Variants in PDGFD observed in about 807,000 individuals in gnomAD.
The protein encoded by PDGFD is platelet derived growth factor D.
PDGFD carries 30 observed loss-of-function variants against 44.7 expected under a neutral mutation model. The observed-to-expected ratio is 0.67, with a 90% confidence interval of 0.50 to 0.91. PDGFD has a LOEUF of 0.91. Ranked by LOEUF, PDGFD falls within the 40% of genes least tolerant of loss-of-function variation. The pLI is 0.00. For synonymous variants in PDGFD, 173 were observed against 168.4 expected (o/e 1.03, Z -0.21); for missense variants, 445 against 457.8 (o/e 0.97, Z 0.25).
chr11:104,144,945 A>G (rs1353114964), intron 1 of PDGFD, among the ~76,000 whole-genome samples: 3 of 152,244 alleles, frequency 2.0e-5, no homozygotes, highest in Non-Finnish European at 4.4e-5. Context: ...TTGTAGTAAG[A>G]TACAACTTTT....
intron 3 of PDGFD, among the ~76,000 whole-genome samples, chr11:103,967,175 T>G (rs1296209538): frequency 6.6e-6 from 1 of 152,182 alleles, no homozygotes; most frequent in Non-Finnish European, 1.5e-5. Flanking sequence ...ACACAGATAC[T>G]TCCTCTCAAA....
At chr11:104,102,258 G>C (rs1187824785) in intron 1 of PDGFD, among the ~76,000 whole-genome samples, 2 of 152,248 alleles carry the variant, frequency 1.3e-5, no homozygotes, top group East Asian at 1.9e-4. Flanking sequence ...CCATCAAAAA[G>C]TGGGCAAAGG....
intron 1 of PDGFD, among the ~76,000 whole-genome samples, chr11:104,102,025 T>C (rs540272933): frequency 6.6e-6 from 1 of 152,218 alleles, no homozygotes; most frequent in Non-Finnish European, 1.5e-5. Flanking sequence ...GGGCAAGGAC[T>C]TCATGTCTAA....
intron 1 of PDGFD, among the ~76,000 whole-genome samples, chr11:104,147,350 A>G (rs887320290): frequency 5.9e-5 from 9 of 152,176 alleles, no homozygotes; most frequent in Non-Finnish European, 4.4e-5. Context: ...TGGGAACACA[A>G]TCCAATAAGG....
At chr11:104,091,040 G>C (rs1032826007) in intron 1 of PDGFD, among the ~76,000 whole-genome samples, 1 of 152,010 alleles carries the variant, frequency 6.6e-6, no homozygotes, top group East Asian at 1.9e-4. Flanking sequence ...CATTCCCAAG[G>C]GCCTCTAAGC....
At chr11:103,952,018 T>A (rs990820331) in intron 3 of PDGFD, among the ~76,000 whole-genome samples, 3 of 152,222 alleles carry the variant, frequency 2.0e-5, no homozygotes, top group African/African-American at 4.8e-5. Context: ...ATAAGGATAA[T>A]GATCAGCTGC....
chr11:103,969,407 A>C (rs943220025), intron 3 of PDGFD, among the ~76,000 whole-genome samples: 2 of 151,054 alleles, frequency 1.3e-5, no homozygotes, highest in Non-Finnish European at 2.9e-5. Context: ...GTGACAACTC[A>C]AGGTTCTATA....
At chr11:104,017,106 T>G (rs1374192219) in intron 1 of PDGFD, among the ~76,000 whole-genome samples, 2 of 152,098 alleles carry the variant, frequency 1.3e-5, no homozygotes, top group Non-Finnish European at 2.9e-5. Context: ...TCCAGAGAGA[T>G]TCCTAAACTG....
chr11:104,089,645 T>A (rs1483980835), intron 1 of PDGFD, among the ~76,000 whole-genome samples: 1 of 152,178 alleles, frequency 6.6e-6, no homozygotes, highest in Non-Finnish European at 1.5e-5. Flanking sequence ...GATATCCACT[T>A]TACAGGATGA....
chr11:103,922,191 A>G (rs75158548), intron 6 of PDGFD, among the ~76,000 whole-genome samples: 5 of 152,332 alleles, frequency 3.3e-5, no homozygotes, highest in Non-Finnish European at 7.3e-5. Context: ...ATAGGTCACT[A>G]TACTTTTAGG....
chr11:104,093,962 T>C (rs759997226), intron 1 of PDGFD, among the ~76,000 whole-genome samples: 12 of 151,372 alleles, frequency 7.9e-5, no homozygotes, highest in Non-Finnish European at 1.8e-4. Context: ...GAGAAAAAAG[T>C]CTTTAAAGAC....
At chr11:104,062,732 C>A (rs566655551) in intron 1 of PDGFD, among the ~76,000 whole-genome samples, 1 of 151,986 alleles carries the variant, frequency 6.6e-6, no homozygotes, top group South Asian at 2.1e-4. Flanking sequence ...TACTTCCTGG[C>A]GACAAACAGG....
Position 104,102,119 on chromosome 11 carries a change from C to G in PDGFD, c.124+61685G>C, listed in dbSNP as rs191464619. ...AAAAGCTTCTGCACGGCAAAAGAAA[C>G]TACCATAAGAGAGAACAGGCAACCT... is the stretch of plus-strand genomic sequence containing the variant. On this transcript the variant is annotated intron_variant, in intron 1 of 6. Transcript: ENST00000393158. Among the ~76,000 whole-genome samples, 59 of 152,270 alleles carry G rather than the reference C, an allele frequency of 3.9e-4. 1 individual carries two copies. Among genetic ancestry groups the G allele is most frequent in the Admixed American group, 3.5e-3 (54 of 15,290 alleles).
At chr11:103,971,053 G>C (rs1859095491) in intron 3 of PDGFD, among the ~76,000 whole-genome samples, 1 of 152,104 alleles carries the variant, frequency 6.6e-6, no homozygotes, top group Admixed American at 6.6e-5. Flanking sequence ...TTTTAGGAGA[G>C]TCATGTGTTT....
intron 1 of PDGFD, among the ~76,000 whole-genome samples, chr11:104,152,399 G>C (rs1862260222): frequency 6.6e-6 from 1 of 152,014 alleles, no homozygotes; most frequent in Admixed American, 6.6e-5. Context: ...TTTATCATCA[G>C]TAAAATAACA....
At chr11:103,963,623 G>A (rs914593542) in intron 3 of PDGFD, among the ~76,000 whole-genome samples, 1 of 152,074 alleles carries the variant, frequency 6.6e-6, no homozygotes, top group Non-Finnish European at 1.5e-5. Context: ...CCAAACAGCC[G>A]ATTTGGCATG....
chr11:104,007,210 C>T (rs1046680840), intron 1 of PDGFD, among the ~76,000 whole-genome samples: 4 of 152,080 alleles, frequency 2.6e-5, no homozygotes, highest in East Asian at 1.9e-4. Context: ...TTTCTATTTC[C>T]GACCTTGGAA....
intron 2 of PDGFD, among the ~76,000 whole-genome samples, chr11:103,996,722 C>T (rs260859): frequency 0.09 from 13,616 of 152,124 alleles, 708 homozygotes; most frequent in African/African-American, 0.13. Flanking sequence ...ATCAGTAATG[C>T]CATTACAGAA....
intron 1 of PDGFD, among the ~76,000 whole-genome samples, chr11:104,088,323 G>C (rs1861164057): frequency 6.6e-6 from 1 of 152,106 alleles, no homozygotes; most frequent in African/African-American, 2.4e-5. Context: ...CTTACTGAAA[G>C]GTCTCCAGAG....
Sources: gnomAD v4.1 joint callset for allele counts (sites outside exome capture counted in the v4.1 genomes callset) on GRCh38, gnomAD v4.1.1 for gene constraint, MANE v1.5 for transcripts, NCBI Gene and HGNC (gene_info 2026-07-23, HGNC 2026-07-21) for gene names.